Variants in PCDHGA7 observed in about 807,000 individuals in gnomAD.
PCDHGA7 encodes the protein protocadherin gamma-A7.
A neutral mutation model predicts 58.3 loss-of-function variants in PCDHGA7; 44 were observed. The ratio of observed to expected loss-of-function variants is 0.75; its 90% CI spans 0.59 to 0.97. PCDHGA7 has a LOEUF of 0.97. PCDHGA7 is among the 50% of genes least tolerant of loss of function. The pLI is 0.00. For synonymous variants in PCDHGA7, 516 were observed against 504.2 expected (o/e 1.02, Z -0.31); for missense variants, 1,266 against 1,188.7 (o/e 1.06, Z -0.96).
At chr5:141,502,140 G>A (rs534984161) in intron 2 of PCDHGA7, among the ~76,000 whole-genome samples, 1 of 152,268 alleles carries the variant, frequency 6.6e-6, no homozygotes, top group South Asian at 2.1e-4. Context: ...CAGTCGGGCC[G>A]GAAGTAAGGA....
At position 141,476,744 on chromosome 5, in the gene PCDHGA7, CT is replaced by C; in HGVS notation, c.2425-18062del. ...CCTGGACCGAGAACGGGAGCCTAGT[CT>C]CCAGTTAGTGCTGACGGCGTTGGAC... is the stretch of plus-strand genomic sequence containing the variant. On this transcript the variant is annotated intron_variant, in intron 1 of 3. Coordinates refer to ENST00000518325, the MANE Select transcript of PCDHGA7 (RefSeq NM_018920.4). The surrounding 1 kb of genome is among the most constrained non-coding windows in gnomAD (Gnocchi z 7.6). 6.2e-7 allele frequency: 1 copy of C among 1,614,046 alleles called. No homozygotes were observed. Among genetic ancestry groups the C allele is most frequent in the East Asian group, 2.2e-5 (1 of 44,884 alleles).
At chr5:141,410,047 A>G in intron 1 of PCDHGA7, 1 of 1,612,420 alleles carries the variant, frequency 6.2e-7, no homozygotes. Flanking sequence ...GTGAGCCCGG[A>G]CTCTTCAGCC....
intron 1 of PCDHGA7, chr5:141,413,424 G>T: frequency 6.2e-7 from 1 of 1,614,086 alleles, no homozygotes; most frequent in Non-Finnish European, 8.5e-7. Flanking sequence ...CTCTGAACCC[G>T]CGCAGCGGCA....
chr5:141,466,510 A>AT (rs1222513096), intron 1 of PCDHGA7, among the ~76,000 whole-genome samples: 1 of 151,938 alleles, frequency 6.6e-6, no homozygotes, highest in African/African-American at 2.4e-5. Context: ...AGACAAGATC[A>AT]TTTTTTTTCC....
At chr5:141,391,837 T>C (rs2092427916) in intron 1 of PCDHGA7, 1 of 152,236 alleles carries the variant, frequency 6.6e-6, no homozygotes, top group Non-Finnish European at 1.5e-5. Flanking sequence ...TTAGAATATA[T>C]GTAAAAGTCA....
chr5:141,440,444 C>G (rs2098178389), intron 1 of PCDHGA7: 1 of 152,038 alleles, frequency 6.6e-6, no homozygotes, highest in Admixed American at 6.6e-5. Context: ...AAGGCGCCAT[C>G]TCAAAAAAAA....
chr5:141,489,597 A>T lies in PCDHGA7; in HGVS notation c.2425-5210A>T. The T allele has an allele frequency of 6.2e-7, 1 of 1,614,100 alleles. No individual in the cohort carries two copies. Among genetic ancestry groups the T allele is most frequent in the African/African-American group, 1.3e-5 (1 of 75,040 alleles). ...AACACCCCCTGGAGCTAATCCGTGT[A>T]GAGGTAGAGATCCTGGATCTCAATG... On this transcript the variant is annotated intron_variant, in intron 1 of 3. Transcript: ENST00000518325. The surrounding 1 kb of genome is among the most constrained non-coding windows in gnomAD (Gnocchi z 4.5).
rs1561852927 is a variant in PCDHGA7, at chr5:141,431,472, A to G, written c.2424+46149A>G. On this transcript the variant is annotated intron_variant, in intron 1 of 3. Coordinates refer to ENST00000518325, the MANE Select transcript of PCDHGA7 (RefSeq NM_018920.4). The surrounding 1 kb of genome is among the most constrained non-coding windows in gnomAD (Gnocchi z 4.8). The stretch of plus-strand genomic sequence containing the variant: ...GTGATGGTTCTGGATGCGAACGACA[A>G]CGCACCAGCGTTTGCTCAGCCCGAG... 6.2e-7 allele frequency: 1 copy of G among 1,613,784 alleles called. No individual in the cohort carries two copies. The highest frequency in any genetic ancestry group is 8.5e-7 in the Non-Finnish European group (1 of 1,179,948).
intron 1 of PCDHGA7, among the ~76,000 whole-genome samples, chr5:141,494,382 G>C (rs1311387598): frequency 6.6e-6 from 1 of 152,182 alleles, no homozygotes; most frequent in Non-Finnish European, 1.5e-5. Flanking sequence ...CCCAGCTGAG[G>C]AGTTGAATAA....
intron 1 of PCDHGA7, chr5:141,398,772 G>A: frequency 6.2e-7 from 1 of 1,613,910 alleles, no homozygotes; most frequent in South Asian, 1.1e-5. Flanking sequence ...TGACTGCCTT[G>A]GACGGTGGAC....
intron 1 of PCDHGA7, chr5:141,410,354 T>C (rs2095384532): frequency 3.7e-6 from 6 of 1,614,048 alleles, no homozygotes; most frequent in Non-Finnish European, 5.1e-6. Context: ...CCTGCGACGC[T>C]CTCTCAGCCC....
intron 1 of PCDHGA7, among the ~76,000 whole-genome samples, chr5:141,481,913 CAAAAA>C (rs34114744): frequency 1.1e-5 from 1 of 90,852 alleles, no homozygotes; most frequent in Non-Finnish European, 2.2e-5. Flanking sequence ...AACTCCATCT[CAAAAA>C]AAAAAAAAAA....
At chr5:141,507,865 T>C (rs2099864402) in intron 3 of PCDHGA7, among the ~76,000 whole-genome samples, 1 of 152,128 alleles carries the variant, frequency 6.6e-6, no homozygotes. Context: ...CACACCCGCT[T>C]CCTAGCCCTG....
At chr5:141,499,779 C>T (rs1450026011) in intron 2 of PCDHGA7, among the ~76,000 whole-genome samples, 3 of 151,452 alleles carry the variant, frequency 2.0e-5, no homozygotes, top group Non-Finnish European at 4.4e-5. Flanking sequence ...CTTCGCCTCC[C>T]GGGTTCAAGC....
In PCDHGA7 at chr5:141,489,406, A is replaced by T; in HGVS notation, c.2425-5401A>T. 6.2e-7 allele frequency: 1 copy of T among 1,614,166 alleles called. No individual in the cohort carries two copies. Among genetic ancestry groups the T allele is most frequent in the Non-Finnish European group, 8.5e-7 (1 of 1,180,028 alleles). Reference sequence around the variant, plus strand: ...TGTTGCTCAGGATCTGGGCTTAAAGATGACAGATCTGTTGAGCCGGCGGCT... The same window carrying T: ...TGTTGCTCAGGATCTGGGCTTAAAGTTGACAGATCTGTTGAGCCGGCGGCT... On this transcript the variant is annotated intron_variant, in intron 1 of 3. Coordinates refer to ENST00000518325, the MANE Select transcript of PCDHGA7 (RefSeq NM_018920.4). This position sits in a 1 kb window ranked among gnomAD's most constrained non-coding sequence, Gnocchi z 4.5.
At chr5:141,502,781 C>G (rs1360359268) in intron 2 of PCDHGA7, among the ~76,000 whole-genome samples, 2 of 151,658 alleles carry the variant, frequency 1.3e-5, no homozygotes, top group Non-Finnish European at 2.9e-5. Flanking sequence ...TGAAAATTAC[C>G]TGGATGATTT....
intron 1 of PCDHGA7, chr5:141,478,450 AGCCAGTCCACTGGCCAGCC>A (rs1562070520): frequency 6.2e-7 from 1 of 1,613,572 alleles, no homozygotes. Context: ...AACCTGGTGC[AGCCAGTCCACTGGCCAGCC>A]GCCAGAACAC....
rs1015953757 is a variant in PCDHGA7 at position 141,382,766 on chromosome 5, G to C, written c.-134G>C. ...CAGATTGCGATAAGCCCTCTTCCAG[G>C]CTGCACTAAACTCAAGCCTCTATCC... On this transcript the variant is annotated 5_prime_UTR_variant, in exon 1 of 4. Transcript: ENST00000518325. 4 of 705,490 alleles carry C rather than the reference G, an allele frequency of 5.7e-6. No homozygotes were observed. Among genetic ancestry groups the C allele is most frequent in the Admixed American group, 2.7e-5 (1 of 37,016 alleles). 43.7% of individuals were successfully genotyped at this position (705,490 alleles called of 1,614,324 possible).
intron 1 of PCDHGA7, chr5:141,398,003 A>C: frequency 1.4e-6 from 2 of 1,391,912 alleles, no homozygotes; most frequent in East Asian, 5.0e-5. Context: ...TCCTCGGAAA[A>C]AGAATCGTTT....
Sources: allele counts gnomAD v4.1 joint callset (sites outside exome capture counted in the v4.1 genomes callset), GRCh38; gene constraint gnomAD v4.1.1; non-coding constraint Gnocchi (gnomAD v3.1); transcripts MANE v1.5; gene names NCBI Gene and HGNC (gene_info 2026-07-23, HGNC 2026-07-21).